The following SPAG16 variants were observed in gnomAD, a reference collection of about 807,000 sequenced individuals.
SPAG16 encodes sperm associated antigen 16, also known as sperm-associated antigen 16 protein.
Under a neutral mutation model 80.4 loss-of-function variants are expected in SPAG16, and 86 were observed. That is an observed-to-expected ratio of 1.07 (90% CI 0.90 to 1.28). The LOEUF (loss-of-function observed/expected upper bound fraction) is 1.28. Ranked by LOEUF, SPAG16 falls within the 50% of genes most tolerant of loss-of-function variation. The probability of loss-of-function intolerance (pLI) is 0.00; values close to 1 mark genes in which losing one functional copy is unlikely to be tolerated. For missense variants in SPAG16, 870 were observed against 765.3 expected (o/e 1.14, Z -1.61); for synonymous variants, 294 against 265.9 (o/e 1.11, Z -1.03).
chr2:214,202,987 T>C lies in SPAG16; in HGVS notation c.1720+53721T>C, dbSNP rs561460388. Among the ~76,000 whole-genome samples the C allele has an allele frequency of 4.6e-5, 7 of 152,324 alleles. No individual in the cohort carries two copies. The East Asian group carries it at 1.4e-3, about 29-fold the overall frequency. ...TACAAAAAAAATCTAAAGTTTCATT[T>C]TCTGAAATCTCTCACGAGGTGAAGT... On this transcript the variant is annotated intron_variant, in intron 15 of 15. Transcript: ENST00000331683.
intron 9 of SPAG16, among the ~76,000 whole-genome samples, chr2:213,483,705 G>A (rs1461877413): frequency 6.6e-6 from 1 of 152,170 alleles, no homozygotes; most frequent in African/African-American, 2.4e-5. Context: ...TCAGAGGCTT[G>A]CTTTTGGGAG....
intron 5 of SPAG16, among the ~76,000 whole-genome samples, chr2:213,325,279 GA>G (rs138628394): frequency 0.14 from 21,394 of 151,736 alleles, 2,286 homozygotes; most frequent in East Asian, 0.46. Context: ...ACATTTTGTT[GA>G]ATATATCATT....
chr2:214,121,522 A>G (rs1281412894), intron 14 of SPAG16, among the ~76,000 whole-genome samples: 1 of 151,862 alleles, frequency 6.6e-6, no homozygotes, highest in Non-Finnish European at 1.5e-5. Context: ...TGAGCAAATT[A>G]TTTAGCTCAT....
rs113134775 is a variant in SPAG16 at position 214,366,575 on chromosome 2, C to G, written c.1721-43565C>G. Among the ~76,000 whole-genome samples, 89 of 152,076 alleles carry G rather than the reference C, an allele frequency of 5.9e-4. 1 individual carries two copies. The Middle Eastern group carries it at 0.01, about 17-fold the overall frequency. ...TAAACGAGAATTCCAGTAGATAACT[C>G]TGGGGATTTTGGAATTTAATGAATG... is the stretch of plus-strand genomic sequence containing the variant. On this transcript the variant is annotated intron_variant, in intron 15 of 15. Transcript: ENST00000331683.
intron 10 of SPAG16, among the ~76,000 whole-genome samples, chr2:213,526,406 T>A (rs2075887883): frequency 6.6e-6 from 1 of 152,230 alleles, no homozygotes; most frequent in Admixed American, 6.5e-5. Flanking sequence ...TACTACGAAT[T>A]CATCCTCAAA....
intron 11 of SPAG16, among the ~76,000 whole-genome samples, chr2:213,885,330 A>G (rs1245873997): frequency 2.0e-5 from 3 of 152,108 alleles, no homozygotes. Flanking sequence ...TGGCTCCTTT[A>G]TATTTCCTAG....
At chr2:214,044,998 C>T (rs184375719) in intron 13 of SPAG16, among the ~76,000 whole-genome samples, 47 of 152,278 alleles carry the variant, frequency 3.1e-4, no homozygotes, top group African/African-American at 1.1e-3. Flanking sequence ...ATTCCTAGTG[C>T]TGAGCTGGGC....
rs10177076 is a variant in SPAG16, at chr2:214,040,662, A to G, written c.1527+26585A>G. ...GGCTGCATAGTATTCCATGGGGTAT[A>G]TGGAGTACCTTATTTTGTATGTAGC... On this transcript the variant is annotated intron_variant, in intron 13 of 15. Transcript: ENST00000331683. Among the ~76,000 whole-genome samples, 1,386 of 152,274 alleles carry G rather than the reference A, an allele frequency of 9.1e-3. 21 individuals carry two copies. The highest frequency in any genetic ancestry group is 0.032 in the African/African-American group (1,329 of 41,556).
intron 15 of SPAG16, among the ~76,000 whole-genome samples, chr2:214,372,839 A>T (rs909020215): frequency 6.6e-6 from 1 of 152,170 alleles, no homozygotes; most frequent in East Asian, 1.9e-4. Flanking sequence ...CCCCACCCCA[A>T]ATAAATGCCA....
intron 11 of SPAG16, among the ~76,000 whole-genome samples, chr2:213,892,552 C>A (rs917562374): frequency 1.3e-5 from 2 of 152,084 alleles, no homozygotes; most frequent in Non-Finnish European, 2.9e-5. Context: ...GCTCAGTGAT[C>A]TGCAAGATAA....
intron 10 of SPAG16, among the ~76,000 whole-genome samples, chr2:213,772,198 G>C (rs2069291846): frequency 6.6e-6 from 1 of 152,014 alleles, no homozygotes; most frequent in Admixed American, 6.6e-5. Context: ...TATTCTCTTT[G>C]TAGCAATTGT....
At chr2:213,296,251 T>C in intron 2 of SPAG16, 141 bp downstream of exon 2, 1 of 584,548 alleles carries the variant, frequency 1.7e-6, no homozygotes, top group Admixed American at 3.0e-5. Flanking sequence ...TTAGCTAGTA[T>C]CAGCTGATTA....
intron 13 of SPAG16, among the ~76,000 whole-genome samples, chr2:214,046,272 A>T (rs973111063): frequency 1.2e-4 from 18 of 152,002 alleles, no homozygotes; most frequent in African/African-American, 3.9e-4. Context: ...ACAAAACTTT[A>T]AAAAAAAGAA....
intron 15 of SPAG16, among the ~76,000 whole-genome samples, chr2:214,179,868 G>A (rs576256846): frequency 8.5e-4 from 129 of 151,360 alleles, no homozygotes; most frequent in Non-Finnish European, 1.6e-3. Flanking sequence ...GGTTTTATGT[G>A]CTTAGAATTT....
At chr2:213,714,932 A>G (rs2066164748) in intron 10 of SPAG16, among the ~76,000 whole-genome samples, 1 of 152,220 alleles carries the variant, frequency 6.6e-6, no homozygotes, top group African/African-American at 2.4e-5. Context: ...GAGGGAGACA[A>G]TAACAAAGTT....
chr2:214,197,601 CA>C (rs1013963241), intron 15 of SPAG16, among the ~76,000 whole-genome samples: 13 of 151,990 alleles, frequency 8.6e-5, no homozygotes, highest in African/African-American at 2.9e-4. Context: ...ATTGTCATTG[CA>C]AATAAAATAT....
chr2:213,903,516 G>A (rs1236108658), intron 11 of SPAG16, among the ~76,000 whole-genome samples: 10 of 152,226 alleles, frequency 6.6e-5, no homozygotes, highest in South Asian at 4.1e-4. Context: ...GCAGGGCACC[G>A]AGTCCCTAGA....
rs539554518 is a variant in SPAG16, at chr2:213,424,127, T to G, written c.942+49008T>G. On this transcript the variant is annotated intron_variant, in intron 9 of 15. Coordinates refer to ENST00000331683, the MANE Select transcript of SPAG16 (RefSeq NM_024532.5). ...GGATTCTTTCAGGGGGAAATAAGTG[T>G]AGTCAGGATGTTATAGTGAACACTT... 1.1e-4 allele frequency among the ~76,000 whole-genome samples: 16 copies of G among 152,244 alleles called. No homozygotes were observed. In the South Asian group the frequency reaches 3.3e-3, roughly 32 times the overall value.
At chr2:214,312,175 A>G (rs936318652) in intron 15 of SPAG16, among the ~76,000 whole-genome samples, 3 of 152,216 alleles carry the variant, frequency 2.0e-5, no homozygotes, top group Admixed American at 1.3e-4. Context: ...ATATCTTTTA[A>G]CAGTTATGAT....
Sources: allele counts gnomAD v4.1 joint callset (sites outside exome capture counted in the v4.1 genomes callset), GRCh38; gene constraint gnomAD v4.1.1; transcripts MANE v1.5; gene names NCBI Gene and HGNC (gene_info 2026-07-23, HGNC 2026-07-21).